The following OBSL1 variants were observed in gnomAD, a reference collection of about 807,000 sequenced individuals.
OBSL1 encodes obscurin like cytoskeletal adaptor 1, also known as obscurin-like protein 1.
A neutral mutation model predicts 172.0 loss-of-function variants in OBSL1; 160 were observed. That is an observed-to-expected ratio of 0.93 (90% CI 0.82 to 1.06). OBSL1 has a LOEUF of 1.06. OBSL1 is among the 50% of genes least tolerant of loss of function. The probability of loss-of-function intolerance (pLI) is 0.00; values close to 1 mark genes in which losing one functional copy is unlikely to be tolerated. For missense variants in OBSL1, 2,681 were observed against 2,715.4 expected, an observed-to-expected ratio of 0.99 and a Z score of 0.28; for synonymous variants, 1,200 against 1,196.3, an observed-to-expected ratio of 1.00 and a Z score of -0.06.
At position 219,568,827 on chromosome 2, in the gene OBSL1, C is replaced by T. The variant is rs1697125194; in HGVS notation, c.1013-503G>A. Among the ~76,000 whole-genome samples the T allele has an allele frequency of 6.6e-6, 1 of 151,964 alleles. No homozygotes were observed. Among genetic ancestry groups the T allele is most frequent in the South Asian group, 2.1e-4 (1 of 4,820 alleles). On this transcript the variant is annotated intron_variant, in intron 1 of 20. Coordinates refer to ENST00000404537, the MANE Select transcript of OBSL1 (RefSeq NM_015311.3). The surrounding 1 kb of genome is among the most constrained non-coding windows in gnomAD (Gnocchi z 4.1). Reference sequence around the variant, plus strand: ...TCGCGCAATCTCGGCTCACTGCAACCTCCACCTCCTGGGTTCAAGCAATTC... The same window carrying T: ...TCGCGCAATCTCGGCTCACTGCAACTTCCACCTCCTGGGTTCAAGCAATTC...
chr2:219,567,642 A>G, intron 3 of OBSL1, 67 bp from the exon 4 acceptor site: 1 of 1,588,238 alleles, frequency 6.3e-7, no homozygotes. Context: ...CCTTAAATCT[A>G]CTTCACCAAC....
chr2:219,553,579 C>G lies in OBSL1; in HGVS notation c.4984G>C (p.Glu1662Gln). The G allele has an allele frequency of 6.2e-7, 1 of 1,613,024 alleles. No individual in the cohort carries two copies. The highest frequency in any genetic ancestry group is 8.5e-7 in the Non-Finnish European group (1 of 1,179,294). ...GGCTGGGGCTGGGATCTGACCTTCT[C>G]CCAGGTAACATCAGCCAAAGCTTGG... Reference protein sequence around the residue: ...LSQALADVTWEKDGNALTPSP... With the variant: ...LSQALADVTWQKDGNALTPSP... The change falls in exon 16 of 21, where the codon GAG becomes CAG. Residue 1662 changes from glutamate (E) to glutamine (Q), a missense_variant. Physicochemically the swap from Glu to Gln is conservative, Grantham distance 29. Coordinates refer to ENST00000404537, the MANE Select transcript of OBSL1 (RefSeq NM_015311.3).
chr2:219,570,659 G>A lies in OBSL1; in HGVS notation c.574C>T (p.Leu192=). ...CGAGCCGCCAGGATGCGCAGTGCCA[G>A]GCTCGCGCCGGGGCCGTCCTCGGCG... ...GRAEDGPGAS[L]ALRILAARLP... Residue 192 remains leucine, a synonymous_variant, in exon 1 of 21, where the codon CTG becomes TTG. Coordinates refer to ENST00000404537, the MANE Select transcript of OBSL1 (RefSeq NM_015311.3). 1 of 1,508,470 alleles carries A rather than the reference G, an allele frequency of 6.6e-7. No homozygotes were observed. Among genetic ancestry groups the A allele is most frequent in the Non-Finnish European group, 8.8e-7 (1 of 1,134,476 alleles). 93.4% of individuals were successfully genotyped at this position (1,508,470 alleles called of 1,614,324 possible).
At position 219,558,209 on chromosome 2, in the gene OBSL1, G is replaced by A. The variant is rs746399992; in HGVS notation, c.3477C>T (p.Ala1159=). Residue 1159 remains alanine (A), a synonymous_variant, in exon 10 of 21, where the codon GCC becomes GCT. Transcript: ENST00000404537. Reference sequence around the variant, plus strand: ...CAGCCAGGATGACATTGAAGGTGATGGCCTCATGCCGGGTCTCACACACAT... The same window carrying A: ...CAGCCAGGATGACATTGAAGGTGATAGCCTCATGCCGGGTCTCACACACAT... ...GEYVCETRHE[A]ITFNVILAEP... 3.8e-5 allele frequency: 61 copies of A among 1,608,114 alleles called. 1 individual carries two copies. In the South Asian group the frequency reaches 6.3e-4, roughly 17 times the overall value.
In OBSL1 at chr2:219,567,518, T is replaced by C. The variant is rs749485584; in HGVS notation, c.1592A>G (p.Lys531Arg). 22 of 1,613,482 alleles carry C rather than the reference T, an allele frequency of 1.4e-5. No homozygotes were observed. The Admixed American group carries it at 3.7e-4, about 27-fold the overall frequency. ...CTTCCAGGTCAACAGGACCGTGTTCTTGTGGCCCTTGAACATCTCTGCCAA... is the reference window on the plus strand; with the variant it reads ...CTTCCAGGTCAACAGGACCGTGTTCCTGTGGCCCTTGAACATCTCTGCCAA... ...PILAEMFKGHKNTVLLTWKPP... is the reference protein window; with the variant it reads ...PILAEMFKGHRNTVLLTWKPP... The change falls in exon 4 of 21, where the codon AAG becomes AGG. Residue 531 changes from lysine to arginine, a missense_variant. By Grantham distance (26) the Lys-to-Arg change is conservative. Coordinates refer to ENST00000404537, the MANE Select transcript of OBSL1 (RefSeq NM_015311.3).
At chr2:219,555,894 G>C (rs1695959908) in intron 14 of OBSL1, 126 bp downstream of exon 14, 1 of 1,474,552 alleles carries the variant, frequency 6.8e-7, no homozygotes, top group Non-Finnish European at 9.0e-7. Context: ...CTGCTGCTGG[G>C]ACGGCCATGG....
At position 219,567,406 on chromosome 2, in the gene OBSL1, G is replaced by A; in HGVS notation, c.1704C>T (p.Ser568=). The A allele has an allele frequency of 1.2e-6, 2 of 1,613,104 alleles. No homozygotes were observed. The highest frequency in any genetic ancestry group is 1.7e-6 in the Non-Finnish European group (2 of 1,179,548). Residue 568 remains serine, a synonymous_variant, in exon 4 of 21, where the codon AGC becomes AGT. Coordinates refer to ENST00000404537, the MANE Select transcript of OBSL1 (RefSeq NM_015311.3). ...CCTCCACGGCTCCGGCTTTCTCGAT[G>A]CTGAAGCACTGAATCCAGTCTTCAG... ...VGSEDWIQCF[S]IEKAGAVEVP...
Position 219,571,287 on chromosome 2 carries a change from GA to G in OBSL1, c.-56del. The G allele has an allele frequency of 1.0e-6, 1 of 976,632 alleles. No individual in the cohort carries two copies. Among genetic ancestry groups the G allele is most frequent in the Non-Finnish European group, 1.3e-6 (1 of 753,232 alleles). The allele number at this position is 976,632 out of a possible 1,614,324, so 60.5% of individuals were successfully genotyped here. ...CGGTGGGGGGGCAGGGGGGGGTGCG[GA>G]GGGCGAGCCGAGGCCCGGGGCGGCG... On this transcript the variant is annotated 5_prime_UTR_variant, in exon 1 of 21. Transcript: ENST00000404537.
intron 7 of OBSL1, chr2:219,563,076 C>T: frequency 2.0e-6 from 1 of 502,488 alleles, no homozygotes. Flanking sequence ...TCTGCCCTAC[C>T]CTGCAATAGA....
rs13010015 is a variant in OBSL1 at position 219,556,757 on chromosome 2, A to G, written c.4067-34T>C. ...CACGGTAAGGCAGTGAGCTGGGCTG[A>G]GTCTTTTCTTCTCTCTCCTTTTCAT... On this transcript the variant is annotated intron_variant, in intron 12 of 20. Coordinates refer to ENST00000404537, the MANE Select transcript of OBSL1 (RefSeq NM_015311.3). The G allele has an allele frequency of 0.25, 392,205 of 1,548,368 alleles. 50,914 individuals are homozygous for G. The highest frequency in any genetic ancestry group is 0.31 in the Admixed American group (16,182 of 52,908).
intron 17 of OBSL1, 23 bp from the exon 18 acceptor site, chr2:219,552,720 A>AGCGGG: frequency 6.6e-7 from 1 of 1,514,538 alleles, no homozygotes; most frequent in Non-Finnish European, 8.9e-7. Flanking sequence ...CCGGGGCGTG[A>AGCGGG]GCGGGGCGGG....
intron 8 of OBSL1, among the ~76,000 whole-genome samples, chr2:219,560,544 C>T (rs868031214): frequency 7.0e-4 from 104 of 148,182 alleles, no homozygotes; most frequent in African/African-American, 2.4e-3. Context: ...ACTACTGCTC[C>T]ATTAGCCTCT....
rs966312349 is a variant in OBSL1, at chr2:219,568,498, G to A, written c.1013-174C>T. ...AGTGGTGGTTCCTAAGATGACCTGA[G>A]TTCTCATCCAGCCCTGACACTAGCC... On this transcript the variant is annotated intron_variant, in intron 1 of 20. Coordinates refer to ENST00000404537, the MANE Select transcript of OBSL1 (RefSeq NM_015311.3). This position sits in a 1 kb window ranked among gnomAD's most constrained non-coding sequence, Gnocchi z 4.1. Among the ~76,000 whole-genome samples, 1 of 152,196 alleles carries A rather than the reference G, an allele frequency of 6.6e-6. No homozygotes were observed. Among genetic ancestry groups the A allele is most frequent in the Non-Finnish European group, 1.5e-5 (1 of 68,034 alleles).
chr2:219,563,520 G>C lies in OBSL1; in HGVS notation c.2515C>G (p.Arg839Gly). The change falls in exon 7 of 21, where the codon CGT becomes GGT. Residue 839 changes from arginine to glycine, a missense_variant. This residue lies in a region of OBSL1 where 1,765 missense variants were observed against 1,748.3 expected (regional missense o/e 1.01). Coordinates refer to ENST00000404537, the MANE Select transcript of OBSL1 (RefSeq NM_015311.3). ...CEVDREDAPV[R>G]WYKDGQEVEE... ...ACCTCCTGCCCGTCCTTGTACCAAC[G>C]CACAGGGGCGTCCTCTCGGTCCACC... 6.2e-7 allele frequency: 1 copy of C among 1,613,810 alleles called. No individual in the cohort carries two copies. Among genetic ancestry groups the C allele is most frequent in the Non-Finnish European group, 8.5e-7 (1 of 1,179,880 alleles).
downstream of OBSL1, chr2:219,549,338 G>C (rs762313909): frequency 1.2e-6 from 2 of 1,613,128 alleles, no homozygotes; most frequent in African/African-American, 1.3e-5. Flanking sequence ...CGCTTCAATG[G>C]AGACGTCCTC....
downstream of OBSL1, chr2:219,547,982 T>G: frequency 6.3e-7 from 1 of 1,586,310 alleles, no homozygotes; most frequent in East Asian, 2.3e-5. Context: ...CCCACTCTGC[T>G]GGCGAAGCTG....
At chr2:219,567,190 G>A in intron 4 of OBSL1, 64 bp from the exon 5 acceptor site, 1 of 1,574,616 alleles carries the variant, frequency 6.4e-7, no homozygotes. Flanking sequence ...GAGGCTGGCG[G>A]ATGGCAAGCC....
chr2:219,570,285 G>C lies in OBSL1; in HGVS notation c.948C>G (p.Leu316=), dbSNP rs754069063. The C allele has an allele frequency of 3.7e-6, 6 of 1,607,362 alleles. No individual in the cohort carries two copies. Among genetic ancestry groups the C allele is most frequent in the Non-Finnish European group, 5.1e-6 (6 of 1,175,450 alleles). ...CCGAGTTGCGCGCGGCGCAGACGTA[G>C]AGCCCACGATCCTTGGCCTGGCAGT... The part of the protein sequence containing the change: ...VLYCQAKDRG[L]YVCAARNSAG... Residue 316 remains leucine, a synonymous_variant, in exon 1 of 21, where the codon CTC becomes CTG. Coordinates refer to ENST00000404537, the MANE Select transcript of OBSL1 (RefSeq NM_015311.3).
In OBSL1 at chr2:219,570,695, G is replaced by A; in HGVS notation, c.538C>T (p.Gln180Ter). ...EVWDSSHFAL[Q>*]PGRAEDGPGA... is the part of the protein sequence containing the mutation. Reference sequence around the variant, plus strand: ...GGGCCGTCCTCGGCGCGGCCCGGCTGGAGCGCGAAGTGGCTGCTGTCCCAC... The same window carrying A: ...GGGCCGTCCTCGGCGCGGCCCGGCTAGAGCGCGAAGTGGCTGCTGTCCCAC... Residue 180 changes from glutamine (Q) to a stop codon, truncating the protein, a stop_gained, in exon 1 of 21, where the codon CAG becomes TAG. Transcript: ENST00000404537. LOFTEE classifies it high-confidence loss of function. The A allele has an allele frequency of 6.6e-7, 1 of 1,509,522 alleles. No homozygotes were observed. 93.5% of individuals were successfully genotyped at this position (1,509,522 alleles called of 1,614,324 possible).
Sources: gnomAD v4.1 joint callset for allele counts (sites outside exome capture counted in the v4.1 genomes callset) on GRCh38, gnomAD v4.1.1 for gene constraint, gnomAD v4.1.1 regional missense constraint, Gnocchi (gnomAD v3.1) non-coding constraint, MANE v1.5 for transcripts, NCBI Gene and HGNC (gene_info 2026-07-23, HGNC 2026-07-21) for gene names.